The following ARHGEF7 variants were observed in gnomAD, a reference collection of about 807,000 sequenced individuals.
ARHGEF7 encodes PAK-interacting exchange factor beta.
Under a neutral mutation model 109.8 loss-of-function variants are expected in ARHGEF7, and 33 were observed. The observed-to-expected ratio is 0.30, with a 90% CI of 0.23 to 0.40. The LOEUF is 0.40. Among genes scored for constraint, ARHGEF7 ranks in the 10% least tolerant of loss-of-function variants. The probability of loss-of-function intolerance (pLI) is 1.00; values close to 1 mark genes in which losing one functional copy is unlikely to be tolerated. For synonymous variants in ARHGEF7, 458 were observed against 424.6 expected (o/e 1.08, Z -0.97); for missense variants, 938 against 1,098.5 (o/e 0.85, Z 2.07).
At chr13:111,129,187 C>T (rs1209811898) in intron 1 of ARHGEF7, among the ~76,000 whole-genome samples, 1 of 152,082 alleles carries the variant, frequency 6.6e-6, no homozygotes, top group Non-Finnish European at 1.5e-5. Flanking sequence ...TGATCTATAC[C>T]TCTTAGTATA....
intron 2 of ARHGEF7, among the ~76,000 whole-genome samples, chr13:111,165,014 T>C (rs1324985106): frequency 1.3e-5 from 2 of 152,080 alleles, no homozygotes; most frequent in African/African-American, 2.4e-5. Flanking sequence ...CTCTCCAGTG[T>C]TGGGATGATA....
intron 2 of ARHGEF7, among the ~76,000 whole-genome samples, chr13:111,166,226 A>T (rs1022057004): frequency 3.3e-5 from 5 of 152,120 alleles, no homozygotes; most frequent in Admixed American, 6.5e-5. Flanking sequence ...CCTGACTCTG[A>T]TTTTACCTAA....
chr13:111,294,362 G>T, intron 19 of ARHGEF7: 1 of 985,438 alleles, frequency 1.0e-6, no homozygotes. Context: ...GTCATGGGCT[G>T]TGTAGACCAC....
At chr13:111,230,227 C>T (rs1409151643) in intron 5 of ARHGEF7, among the ~76,000 whole-genome samples, 1 of 152,140 alleles carries the variant, frequency 6.6e-6, no homozygotes, top group African/African-American at 2.4e-5. Context: ...TAGCACTAAG[C>T]TACATTCTCT....
At chr13:111,201,512 T>C (rs2081211197) in intron 2 of ARHGEF7, among the ~76,000 whole-genome samples, 1 of 152,262 alleles carries the variant, frequency 6.6e-6, no homozygotes, top group Admixed American at 6.5e-5. Flanking sequence ...GATTCTTCTC[T>C]CTGTTCAGTG....
chr13:111,246,874 C>G, intron 8 of ARHGEF7, among the ~76,000 whole-genome samples: 1 of 152,208 alleles, frequency 6.6e-6, no homozygotes, highest in South Asian at 2.1e-4. Flanking sequence ...TGCAGTACCT[C>G]TGTTGGGCAT....
Position 111,115,897 on chromosome 13 carries a change from GC to G in ARHGEF7, c.165+207del, listed in dbSNP as rs1391764914. Reference sequence around the variant, plus strand: ...CGGGGCAGGGGGAGGGGGCCGGGGAGCGGGGTCGGGGGGAGGGGCGGCGCGG... The same window carrying G: ...CGGGGCAGGGGGAGGGGGCCGGGGAGGGGGTCGGGGGGAGGGGCGGCGCGG... On this transcript the variant is annotated intron_variant, in intron 1 of 21. Transcript: ENST00000646102. 3.1e-3 allele frequency among the ~76,000 whole-genome samples: 462 copies of G among 150,450 alleles called. 4 individuals carry two copies. The highest frequency in any genetic ancestry group is 0.011 in the African/African-American group (437 of 41,224).
At chr13:111,259,783 CAG>C (rs1323199646) in intron 8 of ARHGEF7, among the ~76,000 whole-genome samples, 1 of 152,094 alleles carries the variant, frequency 6.6e-6, no homozygotes, top group Non-Finnish European at 1.5e-5. Flanking sequence ...ATAAAGCTAC[CAG>C]TAAACAATTC....
chr13:111,133,039 T>C (rs1248715787), intron 1 of ARHGEF7, among the ~76,000 whole-genome samples: 2 of 151,956 alleles, frequency 1.3e-5, no homozygotes, highest in African/African-American at 4.9e-5. Context: ...GATATACACA[T>C]GCATATACAC....
intron 2 of ARHGEF7, among the ~76,000 whole-genome samples, chr13:111,171,004 A>G (rs1039304346): frequency 6.6e-6 from 1 of 152,246 alleles, no homozygotes. Flanking sequence ...CCAAATATCC[A>G]TCATAAAATA....
chr13:111,267,708 A>G (rs1971948601), intron 9 of ARHGEF7, 38 bp downstream of exon 9: 2 of 1,610,620 alleles, frequency 1.2e-6, no homozygotes, highest in Non-Finnish European at 1.7e-6. Context: ...GGGAGGGTGG[A>G]TGGCTCTGTG....
chr13:111,117,412 A>G (rs894387182), intron 1 of ARHGEF7, among the ~76,000 whole-genome samples: 7 of 152,232 alleles, frequency 4.6e-5, no homozygotes, highest in African/African-American at 1.7e-4. Flanking sequence ...AACTACAGTC[A>G]TCTGGAAATT....
chr13:111,284,134 GA>G (rs1422202390), intron 16 of ARHGEF7, among the ~76,000 whole-genome samples: 1 of 152,114 alleles, frequency 6.6e-6, no homozygotes, highest in Non-Finnish European at 1.5e-5. Context: ...GAGTGGCGGT[GA>G]GAGTGTGGGT....
chr13:111,214,692 C>T (rs947886962), intron 4 of ARHGEF7, among the ~76,000 whole-genome samples: 1 of 152,194 alleles, frequency 6.6e-6, no homozygotes, highest in Admixed American at 6.5e-5. Flanking sequence ...GTCACAGGGC[C>T]CAGAGAGCTT....
intron 2 of ARHGEF7, among the ~76,000 whole-genome samples, chr13:111,171,351 C>G (rs975368075): frequency 2.6e-5 from 4 of 152,182 alleles, no homozygotes; most frequent in African/African-American, 7.2e-5. Flanking sequence ...TGCAGGAGTA[C>G]AGGTGTCTGA....
At chr13:111,129,546 A>T (rs2074629489) in intron 1 of ARHGEF7, among the ~76,000 whole-genome samples, 1 of 152,240 alleles carries the variant, frequency 6.6e-6, no homozygotes, top group African/African-American at 2.4e-5. Context: ...GCCTAATTTT[A>T]AAAATGGGCA....
At chr13:111,294,601 A>G in intron 19 of ARHGEF7, 1 of 985,438 alleles carries the variant, frequency 1.0e-6, no homozygotes, top group African/African-American at 1.7e-5. Flanking sequence ...AATGTCTAAC[A>G]CCATTAGCTT....
At chr13:111,122,334 G>C (rs894191638) in intron 1 of ARHGEF7, among the ~76,000 whole-genome samples, 1 of 152,258 alleles carries the variant, frequency 6.6e-6, no homozygotes, top group South Asian at 2.1e-4. Flanking sequence ...GCCCCACCTG[G>C]TGTCTGCAGA....
chr13:111,297,164 G>GT (rs1005394581), intron 19 of ARHGEF7, among the ~76,000 whole-genome samples: 17 of 152,158 alleles, frequency 1.1e-4, no homozygotes, highest in Non-Finnish European at 1.8e-4. Flanking sequence ...TTTCTTTGTT[G>GT]TTTTTTGAAA....
Sources: gnomAD v4.1 joint callset for allele counts (sites outside exome capture counted in the v4.1 genomes callset) on GRCh38, gnomAD v4.1.1 for gene constraint, MANE v1.5 for transcripts, NCBI Gene and HGNC (gene_info 2026-07-23, HGNC 2026-07-21) for gene names.